The following HOMER2 variants were observed in gnomAD, a reference collection of about 807,000 sequenced individuals.
HOMER2 encodes the protein homer scaffold protein 2.
Under a neutral mutation model 47.0 loss-of-function variants are expected in HOMER2, and 27 were observed. The ratio of observed to expected loss-of-function variants is 0.57; its 90% CI spans 0.42 to 0.79. The LOEUF (loss-of-function observed/expected upper bound fraction) is 0.79, where lower values mean the gene tolerates loss of function less well. Ranked by LOEUF, HOMER2 falls within the 30% of genes least tolerant of loss-of-function variation. The probability of loss-of-function intolerance (pLI) is 0.00; values close to 1 mark genes in which losing one functional copy is unlikely to be tolerated. For synonymous variants in HOMER2, 161 were observed against 163.8 expected (o/e 0.98, Z 0.13); for missense variants, 443 against 435.0 (o/e 1.02, Z -0.16).
At chr15:82,862,938 A>G (rs2051839332) in intron 4 of HOMER2, among the ~76,000 whole-genome samples, 1 of 152,026 alleles carries the variant, frequency 6.6e-6, no homozygotes, top group Non-Finnish European at 1.5e-5. Flanking sequence ...CATATTGGGC[A>G]TACTCCCTCC....
chr15:82,897,359 C>A (rs938736210), intron 1 of HOMER2, among the ~76,000 whole-genome samples: 1 of 152,132 alleles, frequency 6.6e-6, no homozygotes, highest in African/African-American at 2.4e-5. Context: ...CCACTGCACC[C>A]AGCAATTTGA....
chr15:82,870,301 T>A (rs1353733194), intron 3 of HOMER2, among the ~76,000 whole-genome samples: 4 of 151,972 alleles, frequency 2.6e-5, no homozygotes, highest in Non-Finnish European at 4.4e-5. Context: ...TTTGGTGGGG[T>A]AGGGGAATGG....
intron 1 of HOMER2, among the ~76,000 whole-genome samples, chr15:82,984,143 C>T (rs2151266344): frequency 6.6e-6 from 1 of 152,114 alleles, no homozygotes; most frequent in Admixed American, 6.5e-5. Flanking sequence ...CGCCATTCTC[C>T]TGCCTCAGCC....
At chr15:82,911,677 C>G (rs1303303943) in intron 1 of HOMER2, among the ~76,000 whole-genome samples, 1 of 152,140 alleles carries the variant, frequency 6.6e-6, no homozygotes, top group East Asian at 1.9e-4. Flanking sequence ...TTTACAAGAA[C>G]AGTTGGCAAG....
intron 1 of HOMER2, among the ~76,000 whole-genome samples, chr15:82,932,520 GA>G (rs370313558): frequency 4.7e-5 from 7 of 149,532 alleles, no homozygotes; most frequent in African/African-American, 1.7e-4. Context: ...AAAGAAAAAA[GA>G]AAAAAAAAGA....
intron 1 of HOMER2, among the ~76,000 whole-genome samples, chr15:82,973,420 T>C (rs1482486068): frequency 1.3e-5 from 2 of 152,116 alleles, no homozygotes; most frequent in Admixed American, 1.3e-4. Flanking sequence ...GCCAGGTAGG[T>C]TGTTGTGAGA....
chr15:82,867,552 T>C (rs371186864), intron 3 of HOMER2, among the ~76,000 whole-genome samples: 116 of 152,274 alleles, frequency 7.6e-4, no homozygotes, highest in African/African-American at 2.7e-3. Context: ...TAACAGCTTA[T>C]AGAAAACACC....
intron 1 of HOMER2, 31 bp from the exon 2 acceptor site, chr15:82,892,872 G>A (rs533205025): frequency 2.7e-6 from 4 of 1,473,758 alleles, no homozygotes; most frequent in South Asian, 1.5e-5. Flanking sequence ...TGTGAGTTGA[G>A]AGAACATGAC....
chr15:82,968,844 G>C lies in HOMER2; in HGVS notation n.83-9536C>G, dbSNP rs561153180. 1.8e-4 allele frequency among the ~76,000 whole-genome samples: 28 copies of C among 152,306 alleles called. 1 individual carries two copies. In the South Asian group the frequency reaches 4.1e-3, roughly 23 times the overall value. On this transcript the variant is annotated intron_variant and non_coding_transcript_variant, in intron 1 of 1. Transcript: ENST00000500334. ...AACTATAGGTTTCAGCTTCGAGGCT[G>C]ATCATAATCTCAGCTGCCTTCACAG...
chr15:82,870,816 G>A (rs974394669), intron 3 of HOMER2, among the ~76,000 whole-genome samples: 2 of 152,164 alleles, frequency 1.3e-5, no homozygotes, highest in African/African-American at 2.4e-5. Context: ...TGCCATGCAC[G>A]TATCGGGGTT....
chr15:82,891,677 A>G (rs1043171885), intron 2 of HOMER2, among the ~76,000 whole-genome samples: 2 of 152,180 alleles, frequency 1.3e-5, no homozygotes, highest in African/African-American at 2.4e-5. Flanking sequence ...AAGTCAGACT[A>G]GACTGCAGGT....
At chr15:82,877,007 G>A (rs572038832) in intron 2 of HOMER2, among the ~76,000 whole-genome samples, 8 of 152,256 alleles carry the variant, frequency 5.3e-5, no homozygotes, top group Admixed American at 3.9e-4. Context: ...TAGCTTAGCT[G>A]GTAAAATAAT....
At chr15:82,954,812 C>T (rs994521526), upstream of HOMER2, among the ~76,000 whole-genome samples, 2 of 152,088 alleles carry the variant, frequency 1.3e-5, no homozygotes, top group South Asian at 4.1e-4. Flanking sequence ...CAGAGTGTTG[C>T]TCTGTCACCA....
chr15:82,968,276 T>A (rs2054694142), intron 1 of HOMER2, among the ~76,000 whole-genome samples: 1 of 152,192 alleles, frequency 6.6e-6, no homozygotes, highest in Admixed American at 6.5e-5. Flanking sequence ...CAGAATATTT[T>A]ATCGCCCCAC....
intron 2 of HOMER2, among the ~76,000 whole-genome samples, chr15:82,880,354 G>T (rs1448220725): frequency 1.3e-5 from 2 of 152,204 alleles, no homozygotes; most frequent in Non-Finnish European, 2.9e-5. Context: ...GCAAAACTAT[G>T]CAGAAAAGCA....
chr15:82,866,265 C>A (rs528638109), intron 3 of HOMER2, among the ~76,000 whole-genome samples: 1 of 152,314 alleles, frequency 6.6e-6, no homozygotes, highest in African/African-American at 2.4e-5. Flanking sequence ...ATTTGACTGC[C>A]CTGCTGGATT....
At chr15:82,893,175 A>T (rs1171958304) in intron 1 of HOMER2, among the ~76,000 whole-genome samples, 2 of 152,060 alleles carry the variant, frequency 1.3e-5, no homozygotes, top group Non-Finnish European at 2.9e-5. Context: ...CATTTTTAGG[A>T]TTTTGGAACC....
At chr15:82,884,731 T>C (rs1412772443) in intron 2 of HOMER2, among the ~76,000 whole-genome samples, 2 of 73,518 alleles carry the variant, frequency 2.7e-5, no homozygotes, top group South Asian at 4.3e-4. Flanking sequence ...GTGATTTTTG[T>C]ACATTGATTT....
Position 82,849,887 on chromosome 15 carries a change from TTG to T in HOMER2, c.858_859del (p.Asp286GlufsTer16), listed in dbSNP as rs2051333524. 1 of 1,613,868 alleles carries T rather than the reference TTG, an allele frequency of 6.2e-7. No individual in the cohort carries two copies. Among genetic ancestry groups the T allele is most frequent in the Non-Finnish European group, 8.5e-7 (1 of 1,179,800 alleles). On this transcript the variant is annotated frameshift_variant, in exon 9 of 9. Coordinates refer to ENST00000450735, the MANE Select transcript of HOMER2 (RefSeq NM_004839.4). LOFTEE classifies it high-confidence loss of function. ...ACGCACTTTGTCTTCCAGGTTTTGATTGTCTCTCTCTGCCGCCTGGCCAAGCA... is the reference window on the plus strand; with the variant it reads ...ACGCACTTTGTCTTCCAGGTTTTGATTCTCTCTCTGCCGCCTGGCCAAGCA...
Sources: allele counts gnomAD v4.1 joint callset (sites outside exome capture counted in the v4.1 genomes callset), GRCh38; gene constraint gnomAD v4.1.1; transcripts MANE v1.5; gene names NCBI Gene and HGNC (gene_info 2026-07-23, HGNC 2026-07-21).